The following SYCP1 variants were observed in gnomAD, a reference collection of about 807,000 sequenced individuals.
The protein encoded by SYCP1 is synaptonemal complex protein 1.
In SYCP1, 64 loss-of-function variants were observed where a neutral mutation model predicts 153.1. That is an observed-to-expected ratio of 0.42 (90% CI 0.34 to 0.51). The LOEUF (loss-of-function observed/expected upper bound fraction) is 0.51. Among genes scored for constraint, SYCP1 ranks in the 20% least tolerant of loss-of-function variants. SYCP1 has a pLI of 0.06. For missense variants in SYCP1, 997 were observed against 1,049.0 expected, an observed-to-expected ratio of 0.95 and a Z score of 0.68; for synonymous variants, 384 against 341.8, an observed-to-expected ratio of 1.12 and a Z score of -1.36.
At chr1:114,985,582 C>G (rs1309290497) in intron 30 of SYCP1, among the ~76,000 whole-genome samples, 1 of 151,862 alleles carries the variant, frequency 6.6e-6, no homozygotes, top group African/African-American at 2.4e-5. Flanking sequence ...ATTATTCCCA[C>G]TTATAACTAG....
At chr1:114,990,998 A>G (rs575474466) in intron 30 of SYCP1, among the ~76,000 whole-genome samples, 1 of 152,096 alleles carries the variant, frequency 6.6e-6, no homozygotes, top group South Asian at 2.1e-4. Flanking sequence ...GCATCTCTTT[A>G]TCTGTATCCC....
At chr1:114,969,474 G>A (rs2101908032) in intron 27 of SYCP1, among the ~76,000 whole-genome samples, 1 of 152,216 alleles carries the variant, frequency 6.6e-6, no homozygotes, top group Admixed American at 6.5e-5. Flanking sequence ...CTCAGTAATG[G>A]TGGACTCCCC....
intron 29 of SYCP1, among the ~76,000 whole-genome samples, chr1:114,983,226 G>A (rs905033721): frequency 1.2e-4 from 19 of 152,028 alleles, no homozygotes; most frequent in African/African-American, 3.1e-4. Context: ...ACACATATGC[G>A]TGGCCTTCTA....
chr1:114,913,455 T>C (rs1488981540), intron 19 of SYCP1, among the ~76,000 whole-genome samples: 1 of 152,050 alleles, frequency 6.6e-6, no homozygotes, highest in Non-Finnish European at 1.5e-5. Flanking sequence ...GAGGATACAA[T>C]GATGAATAAA....
intron 23 of SYCP1, among the ~76,000 whole-genome samples, chr1:114,941,467 A>G (rs548921151): frequency 1.3e-5 from 2 of 152,178 alleles, no homozygotes; most frequent in Admixed American, 6.5e-5. Context: ...TTATGTTTTA[A>G]ATGACTCTTA....
chr1:114,862,406 T>C (rs1462075172), intron 8 of SYCP1, among the ~76,000 whole-genome samples: 1 of 151,540 alleles, frequency 6.6e-6, no homozygotes, highest in Non-Finnish European at 1.5e-5. Context: ...TGGAGTGCAG[T>C]GGCACAATCT....
chr1:114,946,475 A>T, intron 26 of SYCP1, 94 bp downstream of exon 26: 1 of 689,608 alleles, frequency 1.5e-6, no homozygotes. Flanking sequence ...CTAATTTTTG[A>T]GCTATAGAAT....
At chr1:114,991,368 G>A (rs970817941) in intron 30 of SYCP1, among the ~76,000 whole-genome samples, 1 of 151,734 alleles carries the variant, frequency 6.6e-6, no homozygotes, top group Non-Finnish European at 1.5e-5. Context: ...GGAAAATTAC[G>A]GACCAATATC....
chr1:114,946,373 G>A lies in SYCP1; in HGVS notation c.2239G>A (p.Ala747Thr). The A allele has an allele frequency of 6.3e-7, 1 of 1,583,378 alleles. No individual in the cohort carries two copies. The highest frequency in any genetic ancestry group is 8.6e-7 in the Non-Finnish European group (1 of 1,167,712). The change falls in exon 26 of 32, where the codon GCA (alanine) becomes ACA (threonine). Residue 747 changes from alanine (A) to threonine (T), a missense_variant. Transcript: ENST00000369522. ...AGAACAAGAACAGTCATCACTGAGAGCATCTTTGGTGAGATACAGAAAAAA... is the reference window on the plus strand; with the variant it reads ...AGAACAAGAACAGTCATCACTGAGAACATCTTTGGTGAGATACAGAAAAAA... ...SKEQEQSSLR[A>T]SLEIELSNLK...
Position 114,909,436 on chromosome 1 carries a change from C to T in SYCP1, c.1321-961C>T, listed in dbSNP as rs571972524. On this transcript the variant is annotated intron_variant, in intron 16 of 31. Coordinates refer to ENST00000369522, the MANE Select transcript of SYCP1 (RefSeq NM_003176.4). ...AATCCTTAGGTTATATATTGTCTCT[C>T]TCTCTCTCTCCCCCGCCCTCCCTCC... Among the ~76,000 whole-genome samples the T allele has an allele frequency of 2.8e-4, 43 of 151,372 alleles. 1 individual carries two copies. Among genetic ancestry groups the T allele is most frequent in the Admixed American group, 2.3e-3 (35 of 15,160 alleles).
chr1:114,972,374 G>C (rs1672548876), intron 27 of SYCP1, among the ~76,000 whole-genome samples: 1 of 151,226 alleles, frequency 6.6e-6, no homozygotes, highest in Admixed American at 6.6e-5. Context: ...TAAACTTTTT[G>C]TTTCGTTGAT....
chr1:114,897,645 G>T (rs192785789), intron 16 of SYCP1, among the ~76,000 whole-genome samples: 9 of 152,254 alleles, frequency 5.9e-5, no homozygotes, highest in Non-Finnish European at 8.8e-5. Flanking sequence ...TCAGCGAAGA[G>T]AGGAGATAGG....
At chr1:114,882,212 A>AC (rs1444118262) in intron 12 of SYCP1, among the ~76,000 whole-genome samples, 11 of 151,726 alleles carry the variant, frequency 7.2e-5, no homozygotes, top group Admixed American at 2.0e-4. Context: ...AAACAAACAA[A>AC]CAAACCAAAC....
chr1:114,905,471 G>A (rs1485855068), intron 16 of SYCP1, among the ~76,000 whole-genome samples: 3 of 152,178 alleles, frequency 2.0e-5, no homozygotes, highest in Non-Finnish European at 4.4e-5. Context: ...CTAAGGGCAG[G>A]ATTTACGGGA....
chr1:114,859,148 C>T (rs2101284334), intron 6 of SYCP1, among the ~76,000 whole-genome samples: 1 of 152,210 alleles, frequency 6.6e-6, no homozygotes, highest in African/African-American at 2.4e-5. Flanking sequence ...AGTGCAGTGG[C>T]ACCATCTCGG....
chr1:114,896,164 CT>C (rs997644433), intron 16 of SYCP1, among the ~76,000 whole-genome samples: 2 of 152,150 alleles, frequency 1.3e-5, no homozygotes, highest in African/African-American at 4.8e-5. Context: ...TTTCTGGCCC[CT>C]GATGTAGAAT....
At chr1:114,911,380 AT>A (rs1424078194) in intron 17 of SYCP1, 98 bp from the exon 18 acceptor site, 1 of 784,050 alleles carries the variant, frequency 1.3e-6, no homozygotes, top group Non-Finnish European at 1.9e-6. Context: ...AACCTGCCAA[AT>A]TTTTGCCAAA....
At chr1:114,910,202 C>A in intron 16 of SYCP1, 195 bp from the exon 17 acceptor site, 1 of 376,738 alleles carries the variant, frequency 2.7e-6, no homozygotes. Flanking sequence ...TATTGTGTTC[C>A]AGGGCTGTGT....
At chr1:114,877,097 T>C (rs2101476089) in intron 11 of SYCP1, among the ~76,000 whole-genome samples, 1 of 152,268 alleles carries the variant, frequency 6.6e-6, no homozygotes, top group East Asian at 1.9e-4. Context: ...TGAGAACTTT[T>C]GTTCAGACAA....
Sources: gnomAD v4.1 joint callset for allele counts (sites outside exome capture counted in the v4.1 genomes callset) on GRCh38, gnomAD v4.1.1 for gene constraint, MANE v1.5 for transcripts, NCBI Gene and HGNC (gene_info 2026-07-23, HGNC 2026-07-21) for gene names.